NCKAP5: variants seen among roughly 807,000 people sequenced by gnomAD.
The protein encoded by NCKAP5 is nck-associated protein 5.
Under a neutral mutation model 167.0 loss-of-function variants are expected in NCKAP5, and 92 were observed. That is an observed-to-expected ratio of 0.55 (90% confidence interval 0.47 to 0.66). The LOEUF (loss-of-function observed/expected upper bound fraction) is 0.66, where lower values mean the gene tolerates loss of function less well. Among genes scored for constraint, NCKAP5 ranks in the 30% least tolerant of loss-of-function variants. The probability of loss-of-function intolerance (pLI) is 0.00; values close to 1 mark genes in which losing one functional copy is unlikely to be tolerated. For missense variants in NCKAP5, 2,378 were observed against 2,315.0 expected, an observed-to-expected ratio of 1.03 and a Z score of -0.56; for synonymous variants, 891 against 877.4, an observed-to-expected ratio of 1.02 and a Z score of -0.27.
chr2:133,649,825 C>T, the NCKAP5 span, among the ~76,000 whole-genome samples: 1 of 152,080 alleles, frequency 6.6e-6, no homozygotes, highest in Admixed American at 6.6e-5. Context: ...CCCATTCTCA[C>T]TGCTTCTATT....
At chr2:132,753,524 C>T (rs1377418525) in intron 16 of NCKAP5, among the ~76,000 whole-genome samples, 2 of 152,170 alleles carry the variant, frequency 1.3e-5, no homozygotes, top group African/African-American at 4.8e-5. Flanking sequence ...GGGTCATACT[C>T]TTTGGAAAAC....
At chr2:133,296,515 A>C (rs2150538175) in intron 4 of NCKAP5, among the ~76,000 whole-genome samples, 1 of 152,350 alleles carries the variant, frequency 6.6e-6, no homozygotes, top group East Asian at 1.9e-4. Flanking sequence ...AGATTGTTCC[A>C]TTAGTCATTT....
At chr2:133,345,771 G>C (rs1470894711) in intron 3 of NCKAP5, among the ~76,000 whole-genome samples, 1 of 152,220 alleles carries the variant, frequency 6.6e-6, no homozygotes, top group Non-Finnish European at 1.5e-5. Context: ...ATGTAATATG[G>C]GAGTGGAGAT....
intron 6 of NCKAP5, among the ~76,000 whole-genome samples, chr2:133,103,391 T>C (rs542698998): frequency 5.3e-5 from 8 of 152,304 alleles, no homozygotes; most frequent in African/African-American, 1.7e-4. Flanking sequence ...ATTCTTATTT[T>C]TGAAATGAAT....
At chr2:132,861,293 AC>A (rs1689890483) in intron 10 of NCKAP5, among the ~76,000 whole-genome samples, 1 of 152,050 alleles carries the variant, frequency 6.6e-6, no homozygotes, top group African/African-American at 2.4e-5. Flanking sequence ...CACCACAGAG[AC>A]CTTTTCCCCA....
intron 2 of NCKAP5, among the ~76,000 whole-genome samples, chr2:133,537,503 T>C (rs748184729): frequency 6.6e-6 from 1 of 152,150 alleles, no homozygotes; most frequent in Non-Finnish European, 1.5e-5. Flanking sequence ...AGTGTACAAC[T>C]CTTGTACTTC....
At chr2:132,721,497 A>G (rs1573988880) in intron 19 of NCKAP5, among the ~76,000 whole-genome samples, 1 of 152,082 alleles carries the variant, frequency 6.6e-6, no homozygotes. Context: ...GGGACGGCCA[A>G]TCTCCTTTTC....
rs555966155 is a variant in NCKAP5 at position 133,024,796 on chromosome 2, G to C, written c.342-30557C>G. ...TCAACTTTATATGAATAACAGTTTT[G>C]TTAATTTAGGAGAGAACATTTTATG... is the stretch of plus-strand genomic sequence containing the variant. On this transcript the variant is annotated intron_variant, in intron 6 of 19. Coordinates refer to ENST00000409261, the MANE Select transcript of NCKAP5 (RefSeq NM_207363.3). Among the ~76,000 whole-genome samples, 12 of 152,212 alleles carry C rather than the reference G, an allele frequency of 7.9e-5. 1 individual carries two copies. In the East Asian group the frequency reaches 2.3e-3, roughly 29 times the overall value.
intron 4 of NCKAP5, among the ~76,000 whole-genome samples, chr2:133,285,987 CT>C (rs1271097950): frequency 2.0e-5 from 3 of 151,104 alleles, no homozygotes; most frequent in Non-Finnish European, 2.9e-5. Flanking sequence ...ATTACTAATT[CT>C]TCTGTGACTT....
chr2:133,246,003 G>T (rs2087969945), intron 4 of NCKAP5, among the ~76,000 whole-genome samples: 2 of 152,070 alleles, frequency 1.3e-5, no homozygotes, highest in African/African-American at 4.8e-5. Context: ...GTGCTGTGGG[G>T]ATTGAGAAAG....
At chr2:133,402,003 A>C (rs1429004920) in intron 3 of NCKAP5, among the ~76,000 whole-genome samples, 1 of 152,078 alleles carries the variant, frequency 6.6e-6, no homozygotes, top group Non-Finnish European at 1.5e-5. Flanking sequence ...GAGACCATAA[A>C]ATCTCTTCTG....
At chr2:133,300,384 A>G (rs1680298150) in intron 4 of NCKAP5, among the ~76,000 whole-genome samples, 1 of 127,350 alleles carries the variant, frequency 7.9e-6, no homozygotes. Flanking sequence ...CCTCAATAAA[A>G]TACTGGCAAA....
chr2:133,519,645 T>G (rs142482831), intron 2 of NCKAP5, among the ~76,000 whole-genome samples: 18 of 152,302 alleles, frequency 1.2e-4, no homozygotes, highest in South Asian at 2.1e-4. Context: ...TAGCTCATAA[T>G]AGATTGTGCT....
intron 5 of NCKAP5, among the ~76,000 whole-genome samples, chr2:133,158,695 T>C (rs1292614478): frequency 6.6e-6 from 1 of 152,180 alleles, no homozygotes; most frequent in Admixed American, 6.5e-5. Context: ...TAGTATTTTG[T>C]GGTTTCAATC....
intron 6 of NCKAP5, among the ~76,000 whole-genome samples, chr2:133,091,204 T>C (rs2149636276): frequency 6.6e-6 from 1 of 152,320 alleles, no homozygotes; most frequent in East Asian, 1.9e-4. Flanking sequence ...ACCTCTTTTC[T>C]TTATAAATTA....
chr2:133,175,397 T>C (rs2084416754), intron 5 of NCKAP5, among the ~76,000 whole-genome samples: 1 of 152,192 alleles, frequency 6.6e-6, no homozygotes, highest in African/African-American at 2.4e-5. Flanking sequence ...GCATCCAGAT[T>C]TGAGTCATAA....
At chr2:133,638,767 G>A in the NCKAP5 span, among the ~76,000 whole-genome samples, 1 of 150,986 alleles carries the variant, frequency 6.6e-6, no homozygotes, top group East Asian at 1.9e-4. Context: ...GCTGAGGCAG[G>A]AGAATTGCTT....
At chr2:132,693,583 G>A (rs2105164260) in intron 19 of NCKAP5, among the ~76,000 whole-genome samples, 1 of 129,422 alleles carries the variant, frequency 7.7e-6, no homozygotes, top group East Asian at 2.6e-4. Flanking sequence ...CTAGGCTCCA[G>A]AAATGTGAAA....
chr2:133,014,781 T>C (rs1365080173), intron 6 of NCKAP5, among the ~76,000 whole-genome samples: 3 of 152,338 alleles, frequency 2.0e-5, no homozygotes, highest in Middle Eastern at 6.8e-3. Context: ...TAGAGACTAC[T>C]GCTTGAAATC....
Sources: allele counts gnomAD v4.1 joint callset (sites outside exome capture counted in the v4.1 genomes callset), GRCh38; gene constraint gnomAD v4.1.1; transcripts MANE v1.5; gene names NCBI Gene and HGNC (gene_info 2026-07-23, HGNC 2026-07-21).